MAP4K3: variants seen among roughly 807,000 people sequenced by gnomAD.
MAP4K3 encodes MAPK/ERK kinase kinase kinase 3.
Under a neutral mutation model 143.5 loss-of-function variants are expected in MAP4K3, and 94 were observed. The ratio of observed to expected loss-of-function variants is 0.65; its 90% CI spans 0.55 to 0.78. MAP4K3 has a LOEUF of 0.78. Ranked by LOEUF, MAP4K3 falls within the 30% of genes least tolerant of loss-of-function variation. MAP4K3 has a pLI of 0.00. For missense variants in MAP4K3, 1,077 were observed against 1,068.1 expected (o/e 1.01, Z -0.12); for synonymous variants, 416 against 347.2 (o/e 1.20, Z -2.20).
At chr2:39,393,208 A>C (rs975110250) in intron 1 of MAP4K3, among the ~76,000 whole-genome samples, 10 of 152,348 alleles carry the variant, frequency 6.6e-5, no homozygotes, top group African/African-American at 2.4e-4. Context: ...TGAGGACTTC[A>C]CCTGTGAATG....
intron 6 of MAP4K3, 53 bp downstream of exon 6, chr2:39,336,867 C>T (rs896082932): frequency 9.3e-6 from 7 of 754,776 alleles, no homozygotes; most frequent in Non-Finnish European, 1.4e-5. Flanking sequence ...ACAATTTGAT[C>T]AGAGTATTTA....
chr2:39,295,847 T>C (rs1558629682), intron 16 of MAP4K3, among the ~76,000 whole-genome samples: 2 of 151,202 alleles, frequency 1.3e-5, no homozygotes, highest in Non-Finnish European at 2.9e-5. Flanking sequence ...GCCTCCCGAG[T>C]AGCTAGGATT....
intron 26 of MAP4K3, among the ~76,000 whole-genome samples, chr2:39,271,341 G>C (rs961368070): frequency 2.6e-5 from 4 of 151,942 alleles, no homozygotes; most frequent in African/African-American, 7.3e-5. Flanking sequence ...AAGCTAAAAA[G>C]GTCTCTATTG....
chr2:39,416,001 ATAT>A (rs1667367248), intron 1 of MAP4K3, among the ~76,000 whole-genome samples: 2 of 110,002 alleles, frequency 1.8e-5, no homozygotes, highest in African/African-American at 3.7e-5. Context: ...ATATATATAT[ATAT>A]AAAAATAACA....
rs767289671 is a variant in MAP4K3 at position 39,315,369 on chromosome 2, T to C, written c.938A>G (p.His313Arg). The change falls in exon 13 of 34, where the codon CAT becomes CGT. Residue 313 changes from histidine (H) to arginine (R), a missense_variant. His to Arg is a conservative substitution (Grantham distance 29). Around this residue, in one of 2 missense-constraint regions of MAP4K3, gnomAD observed 864 missense variants for 801.2 expected, o/e 1.08. Transcript: ENST00000263881. ...DDPEPLVAVPHRIHSTSRNVR... is the reference protein window; with the variant it reads ...DDPEPLVAVPRRIHSTSRNVR... ...GTTTCTACTTGTTGAGTGAATTCTA[T>C]GTGGTACAGCAACAAGAGGCTAGAA... 5 of 1,612,272 alleles carry C rather than the reference T, an allele frequency of 3.1e-6. No individual in the cohort carries two copies. In the South Asian group the frequency reaches 5.5e-5, roughly 18 times the overall value.
At position 39,333,097 on chromosome 2, in the gene MAP4K3, G is replaced by A. The variant is rs78051164; in HGVS notation, c.457+435C>T. Among the ~76,000 whole-genome samples, 829 of 152,084 alleles carry A rather than the reference G, an allele frequency of 5.5e-3. 14 individuals are homozygous for A. Among genetic ancestry groups the A allele is most frequent in the African/African-American group, 0.019 (788 of 41,516 alleles). ...GAAATATGTTACTGTTTGAAATAAA[G>A]CAACATTCAGCATCTAAATTACATT... On this transcript the variant is annotated intron_variant, in intron 7 of 33. Transcript: ENST00000263881.
intron 2 of MAP4K3, among the ~76,000 whole-genome samples, chr2:39,366,074 A>C (rs1041419978): frequency 1.2e-4 from 19 of 152,188 alleles, no homozygotes; most frequent in Non-Finnish European, 2.8e-4. Context: ...AAAATATTTG[A>C]AGAGATTTAT....
intron 28 of MAP4K3, among the ~76,000 whole-genome samples, chr2:39,262,832 C>T (rs776074319): frequency 7.9e-5 from 12 of 152,070 alleles, no homozygotes; most frequent in South Asian, 2.1e-4. Flanking sequence ...AGGCTGGGTG[C>T]GGTGGCTCAA....
intron 33 of MAP4K3, among the ~76,000 whole-genome samples, chr2:39,251,058 G>A (rs1046070702): frequency 6.6e-6 from 1 of 152,204 alleles, no homozygotes; most frequent in Non-Finnish European, 1.5e-5. Flanking sequence ...AGAGACCCAC[G>A]CTGCACAATG....
chr2:39,405,362 G>A (rs1558337936), intron 1 of MAP4K3, among the ~76,000 whole-genome samples: 1 of 152,228 alleles, frequency 6.6e-6, no homozygotes, highest in African/African-American at 2.4e-5. Flanking sequence ...CAGTGTTACT[G>A]GGATTGGGTT....
intron 1 of MAP4K3, among the ~76,000 whole-genome samples, chr2:39,383,443 T>C (rs1380054913): frequency 1.3e-5 from 2 of 151,868 alleles, no homozygotes; most frequent in Non-Finnish European, 2.9e-5. Flanking sequence ...CTCTACAACA[T>C]GTGGGGATTA....
intron 28 of MAP4K3, 84 bp from the exon 29 acceptor site, chr2:39,260,861 C>T (rs1680540841): frequency 1.2e-6 from 1 of 865,958 alleles, no homozygotes; most frequent in East Asian, 2.7e-5. Flanking sequence ...CAGCTTTCTA[C>T]AATAAAGACT....
chr2:39,354,958 G>C (rs190519775), intron 3 of MAP4K3, among the ~76,000 whole-genome samples: 55 of 152,180 alleles, frequency 3.6e-4, no homozygotes, highest in Non-Finnish European at 6.0e-4. Context: ...TTAATACATA[G>C]GGAAGGCCAG....
intron 16 of MAP4K3, among the ~76,000 whole-genome samples, chr2:39,295,137 C>T (rs1272954696): frequency 6.6e-6 from 1 of 151,320 alleles, no homozygotes; most frequent in Non-Finnish European, 1.5e-5. Context: ...ATTAGTGGAC[C>T]TCAACAAAAA....
chr2:39,354,669 CAAACAAAAAAA>C (rs1451610706), intron 3 of MAP4K3, among the ~76,000 whole-genome samples: 4 of 147,448 alleles, frequency 2.7e-5, no homozygotes, highest in African/African-American at 1.0e-4. Flanking sequence ...CTCAAACAAA[CAAACAAAAAAA>C]AAACAAAAAA....
intron 1 of MAP4K3, among the ~76,000 whole-genome samples, chr2:39,398,299 A>T (rs1304781884): frequency 6.6e-6 from 1 of 152,136 alleles, no homozygotes. Flanking sequence ...ATAGTAAAAA[A>T]AGAAAAAAAA....
chr2:39,358,855 G>A (rs1665684982), intron 2 of MAP4K3, among the ~76,000 whole-genome samples: 1 of 152,030 alleles, frequency 6.6e-6, no homozygotes, highest in African/African-American at 2.4e-5. Context: ...CCTCCCACTG[G>A]GTCCTCCCAC....
At chr2:39,258,237 C>T (rs1336091895) in intron 31 of MAP4K3, 111 bp downstream of exon 31, 1 of 839,196 alleles carries the variant, frequency 1.2e-6, no homozygotes, top group Admixed American at 2.9e-5. Context: ...CAGCCATATC[C>T]TTTATTTTAA....
intron 1 of MAP4K3, among the ~76,000 whole-genome samples, chr2:39,400,752 G>A (rs771630244): frequency 6.6e-6 from 1 of 151,938 alleles, no homozygotes; most frequent in African/African-American, 2.4e-5. Flanking sequence ...AATTTTCACT[G>A]TAATTTCCTC....
Sources: allele counts gnomAD v4.1 joint callset (sites outside exome capture counted in the v4.1 genomes callset), GRCh38; gene constraint gnomAD v4.1.1; regional missense constraint gnomAD v4.1.1; transcripts MANE v1.5; gene names NCBI Gene and HGNC (gene_info 2026-07-23, HGNC 2026-07-21).